Variants in MASP1 observed in about 807,000 individuals in gnomAD.
MASP1 encodes the protein MBL associated serine protease 1, also known as mannan-binding lectin serine protease 1.
A neutral mutation model predicts 77.1 loss-of-function variants in MASP1; 59 were observed. That is an observed-to-expected ratio of 0.77 (90% CI 0.62 to 0.95). The LOEUF (loss-of-function observed/expected upper bound fraction) is 0.95. MASP1 is among the 40% of genes least tolerant of loss of function. The pLI is 0.00. For missense variants in MASP1, 885 were observed against 912.9 expected (o/e 0.97, Z 0.39); for synonymous variants, 362 against 354.5 (o/e 1.02, Z -0.24).
intron 4 of MASP1, 22 bp downstream of exon 4, chr3:187,260,719 T>C: frequency 1.2e-6 from 2 of 1,614,164 alleles, no homozygotes; most frequent in Non-Finnish European, 8.5e-7. Flanking sequence ...GGGCAATGCA[T>C]ACAATCATTG....
chr3:187,288,081 T>C (rs1016360507), intron 1 of MASP1, among the ~76,000 whole-genome samples: 11 of 152,234 alleles, frequency 7.2e-5, no homozygotes, highest in African/African-American at 2.2e-4. Context: ...AGAAGGACCA[T>C]GTACTATTTT....
At chr3:187,266,180 A>G (rs753712258) in intron 2 of MASP1, among the ~76,000 whole-genome samples, 1 of 152,148 alleles carries the variant, frequency 6.6e-6, no homozygotes, top group Non-Finnish European at 1.5e-5. Flanking sequence ...ATGTCCTTAG[A>G]GACTATTGTT....
chr3:187,253,105 A>T, intron 6 of MASP1, 63 bp downstream of exon 6: 1 of 1,607,478 alleles, frequency 6.2e-7, no homozygotes, highest in Non-Finnish European at 8.5e-7. Flanking sequence ...CTCCTCCCTC[A>T]GCCACTGCCT....
At position 187,243,576 on chromosome 3, in the gene MASP1, G is replaced by A. The variant is rs146265553; in HGVS notation, c.1136C>T (p.Thr379Ile). Residue 379 changes from threonine (T) to isoleucine (I), a missense_variant, in exon 9 of 11, where the codon ACC (threonine) becomes ATC (isoleucine). Thr to Ile is a moderately conservative substitution (Grantham distance 89). Transcript: ENST00000296280. ...GGTGAGGTTGTTCCTTGTAGAGAAG[G>A]TGATCAGCCCGTGTTCCAGCTCTCC... ...APGELEHGLI[T>I]FSTRNNLTTY... 1.3e-4 allele frequency: 208 copies of A among 1,614,188 alleles called. No individual in the cohort carries two copies. In the African/African-American group the frequency reaches 2.5e-3, roughly 19 times the overall value.
chr3:187,241,550 A>G lies in MASP1; in HGVS notation c.1234T>C (p.Tyr412His). Residue 412 changes from tyrosine (Y) to histidine (H), a missense_variant, in exon 10 of 11, where the codon TAT (tyrosine) becomes CAT (histidine). By Grantham distance (83) the Tyr-to-His change is moderately conservative. Transcript: ENST00000296280. The part of the protein sequence containing the change: ...YKMLNNNTGI[Y>H]TCSAQGVWMN... ...CAGACTCCTTGGGCAGAACAGGTAT[A>G]TATACCTGGATTAGTGAAAGAGGTT... The G allele has an allele frequency of 6.2e-7, 1 of 1,610,922 alleles. No individual in the cohort carries two copies. Among genetic ancestry groups the G allele is most frequent in the Non-Finnish European group, 8.5e-7 (1 of 1,177,138 alleles).
At chr3:187,273,398 C>T (rs572108545) in intron 2 of MASP1, among the ~76,000 whole-genome samples, 16 of 152,306 alleles carry the variant, frequency 1.1e-4, no homozygotes, top group African/African-American at 2.4e-4. Flanking sequence ...TTATGAAAGA[C>T]GATCAGAGCA....
At chr3:187,246,765 C>T in intron 8 of MASP1, 2 of 969,744 alleles carry the variant, frequency 2.1e-6, no homozygotes, top group South Asian at 4.6e-5. Flanking sequence ...CATTTCAGCC[C>T]TGCGCCAGAT....
At chr3:187,290,928 A>G (rs1292822512) in intron 1 of MASP1, among the ~76,000 whole-genome samples, 2 of 152,016 alleles carry the variant, frequency 1.3e-5, no homozygotes, top group African/African-American at 4.8e-5. Context: ...AAGGTTAAAG[A>G]GTTTAAAACC....
chr3:187,285,704 A>G, intron 2 of MASP1, 121 bp downstream of exon 2: 1 of 802,308 alleles, frequency 1.2e-6, no homozygotes. Flanking sequence ...CTGAATTCAT[A>G]CCATTGTGAT....
Position 187,277,323 on chromosome 3 carries a change from T to C in MASP1, c.237+8502A>G, listed in dbSNP as rs115065843. On this transcript the variant is annotated intron_variant, in intron 2 of 10. Transcript: ENST00000296280. ...GGCCCTGAACTCATGGGGCTGGCAA[T>C]CTAGTGGGAATGAGCTTGAGCTCAT... Among the ~76,000 whole-genome samples, 868 of 152,172 alleles carry C rather than the reference T, an allele frequency of 5.7e-3. 12 individuals are homozygous for C. Among genetic ancestry groups the C allele is most frequent in the African/African-American group, 0.017 (725 of 41,512 alleles).
chr3:187,274,608 C>T (rs1486587567), intron 2 of MASP1, among the ~76,000 whole-genome samples: 2 of 152,226 alleles, frequency 1.3e-5, no homozygotes, highest in African/African-American at 4.8e-5. Context: ...GTGCACTGCT[C>T]TTTCCAGGAT....
intron 15 of MASP1, chr3:187,220,280 T>C (rs774346711): frequency 1.1e-5 from 17 of 1,611,698 alleles, no homozygotes; most frequent in Non-Finnish European, 1.4e-5. Context: ...AAAAGAGACA[T>C]AGATGAAGAT....
At chr3:187,220,763 G>T (rs1025575713) in intron 15 of MASP1, among the ~76,000 whole-genome samples, 2 of 152,154 alleles carry the variant, frequency 1.3e-5, no homozygotes, top group Non-Finnish European at 2.9e-5. Context: ...CTCCCAAAGT[G>T]CTGGGATTAC....
chr3:187,253,239 CT>C lies in MASP1; in HGVS notation c.820del (p.Ser274ValfsTer3). 1 of 1,614,226 alleles carries C rather than the reference CT, an allele frequency of 6.2e-7. No homozygotes were observed. Among genetic ancestry groups the C allele is most frequent in the Non-Finnish European group, 8.5e-7 (1 of 1,180,038 alleles). ...APEPISTQSH[S>X]VLILFHSDNS... ...GTCACTATGGAACAGGATCAGGACA[CT>C]GTGGCTCTGGGTGCTGATGGGTTCT... is the stretch of plus-strand genomic sequence containing the variant. On this transcript the variant is annotated frameshift_variant, in exon 6 of 11. Coordinates refer to ENST00000296280, the MANE Select transcript of MASP1 (RefSeq NM_139125.4). LOFTEE classifies it high-confidence loss of function.
chr3:187,269,521 A>G (rs1243423423), intron 2 of MASP1, among the ~76,000 whole-genome samples: 3 of 152,202 alleles, frequency 2.0e-5, no homozygotes, highest in African/African-American at 7.2e-5. Context: ...GACAAAGCTA[A>G]GAAGCCAGAG....
chr3:187,260,849 C>T lies in MASP1; in HGVS notation c.439G>A (p.Glu147Lys). The change falls in exon 4 of 11, where the codon GAG (glutamate) becomes AAG (lysine). Residue 147 changes from glutamate (E) to lysine (K), a missense_variant. Physicochemically the swap from Glu to Lys is moderately conservative, Grantham distance 56. Transcript: ENST00000296280. Reference sequence around the variant, plus strand: ...TGGTCACAGGACAGCTCCTCGTCCTCCCTCTCCTTGCACTCGTCCACATCT... The same window carrying T: ...TGGTCACAGGACAGCTCCTCGTCCTTCCTCTCCTTGCACTCGTCCACATCT... The part of the protein sequence containing the change: ...AVDVDECKER[E>K]DEELSCDHYC... 6.2e-7 allele frequency: 1 copy of T among 1,614,102 alleles called. No individual in the cohort carries two copies. Among genetic ancestry groups the T allele is most frequent in the Non-Finnish European group, 8.5e-7 (1 of 1,179,998 alleles).
chr3:187,290,226 G>A (rs556398739), intron 1 of MASP1, among the ~76,000 whole-genome samples: 2 of 152,268 alleles, frequency 1.3e-5, no homozygotes, highest in South Asian at 4.2e-4. Flanking sequence ...GGACAAAGGA[G>A]GGGATGCTCA....
In MASP1 at chr3:187,253,359, T is replaced by C. The variant is rs778175851; in HGVS notation, c.745-44A>G. ...AGAGAGAGAAATAGAGTGTTCCATC[T>C]GAGCAGCCAAAATGGCCACTGCAGG... On this transcript the variant is annotated intron_variant, in intron 5 of 10. Transcript: ENST00000296280. 4.3e-6 allele frequency: 7 copies of C among 1,611,250 alleles called. No homozygotes were observed. The Admixed American group carries it at 1.2e-4, about 27-fold the overall frequency.
intron 13 of MASP1, among the ~76,000 whole-genome samples, chr3:187,224,102 T>C (rs896033580): frequency 6.6e-6 from 1 of 152,218 alleles, no homozygotes; most frequent in African/African-American, 2.4e-5. Context: ...CATTTTTCTT[T>C]TGAGCTAAAG....
Sources: allele counts gnomAD v4.1 joint callset (sites outside exome capture counted in the v4.1 genomes callset), GRCh38; gene constraint gnomAD v4.1.1; transcripts MANE v1.5; gene names NCBI Gene and HGNC (gene_info 2026-07-23, HGNC 2026-07-21).